GSN: variants seen among roughly 807,000 people sequenced by gnomAD.
The protein encoded by GSN is actin-depolymerizing factor.
A neutral mutation model predicts 85.7 loss-of-function variants in GSN; 56 were observed. The ratio of observed to expected loss-of-function variants is 0.65; its 90% confidence interval spans 0.53 to 0.82. GSN has a LOEUF of 0.82. Ranked by LOEUF, GSN falls within the 40% of genes least tolerant of loss-of-function variation. The pLI is 0.00. For synonymous variants in GSN, 373 were observed against 399.1 expected (o/e 0.93, Z 0.78); for missense variants, 857 against 979.8 (o/e 0.87, Z 1.67).
chr9:121,291,536 A>G (rs963470280), intron 2 of GSN, among the ~76,000 whole-genome samples: 1 of 149,542 alleles, frequency 6.7e-6, no homozygotes, highest in Non-Finnish European at 1.5e-5. Context: ...CTCCTGTCTC[A>G]GCCTCCTGAG....
rs1444330899 is a variant in GSN, at chr9:121,228,442, T to A, written c.-527-2723T>A. Among the ~76,000 whole-genome samples, 8 of 102,532 alleles carry A rather than the reference T, an allele frequency of 7.8e-5. 1 individual carries two copies. Among genetic ancestry groups the A allele is most frequent in the African/African-American group, 3.8e-4 (7 of 18,308 alleles). The allele number at this position is 102,532 out of a possible 152,430, so 67.3% of individuals were successfully genotyped here. A position where few individuals can be genotyped will look rare whatever the true frequency, so the allele number is the denominator to read the frequency against. ...TATATATATTTTTTTTTTTTTTTTT[T>A]TTTTTTTTTGAGATAGGGTCTTGCT... On this transcript the variant is annotated intron_variant, in intron 4 of 24. Coordinates refer to the GSN transcript ENST00000373823.
chr9:121,303,573 CTAGCCAG>C (rs2060119013), intron 4 of GSN, among the ~76,000 whole-genome samples: 3 of 152,324 alleles, frequency 2.0e-5, no homozygotes, highest in African/African-American at 7.2e-5. Flanking sequence ...TCCCAAGCTC[CTAGCCAG>C]GTGGGGCAGA....
At chr9:121,252,908 G>A (rs1051093395) in intron 6 of GSN, among the ~76,000 whole-genome samples, 4 of 152,104 alleles carry the variant, frequency 2.6e-5, no homozygotes, top group African/African-American at 9.7e-5. Flanking sequence ...GTCAGTCTGG[G>A]GGGACTATAG....
chr9:121,230,184 T>G (rs2054359638), intron 4 of GSN, among the ~76,000 whole-genome samples: 2 of 152,224 alleles, frequency 1.3e-5, no homozygotes, highest in Non-Finnish European at 2.9e-5. Context: ...GAACCTTCTT[T>G]GTTTTCTGGT....
intron 2 of GSN, among the ~76,000 whole-genome samples, chr9:121,301,345 G>A (rs2059816216): frequency 6.6e-6 from 1 of 152,230 alleles, no homozygotes; most frequent in Non-Finnish European, 1.5e-5. Flanking sequence ...AAAGAAGGGA[G>A]GCTGGGCGCG....
At chr9:121,286,521 T>C in intron 2 of GSN, 1 of 1,288,284 alleles carries the variant, frequency 7.8e-7, no homozygotes. Context: ...GGAAACTCCA[T>C]TTATCCTCCA....
At chr9:121,312,543 C>T in intron 6 of GSN, 55 bp downstream of exon 6, 1 of 1,399,292 alleles carries the variant, frequency 7.1e-7, no homozygotes. Context: ...TCATGACTTT[C>T]TTCTGTTCAG....
the GSN span, among the ~76,000 whole-genome samples, chr9:121,202,731 A>G: frequency 2.0e-5 from 3 of 152,236 alleles, no homozygotes; most frequent in East Asian, 1.9e-4. Context: ...ATAAATATTT[A>G]ACATATTTTA....
chr9:121,238,727 A>G, intron 5 of GSN: 8 of 397,150 alleles, frequency 2.0e-5, no homozygotes, highest in South Asian at 1.6e-4. Context: ...CAGTATCCAA[A>G]GTCTCATAGA....
intron 1 of GSN, among the ~76,000 whole-genome samples, chr9:121,271,264 G>T (rs2055903446): frequency 6.6e-6 from 1 of 152,078 alleles, no homozygotes; most frequent in Non-Finnish European, 1.5e-5. Context: ...TGAGGTATGA[G>T]AATTGCTTAA....
At position 121,317,159 on chromosome 9, in the gene GSN, A is replaced by G. The variant is rs1315500359; in HGVS notation, c.827A>G (p.Lys276Arg). The change falls in exon 8 of 18, where the codon AAG becomes AGG. Residue 276 changes from lysine (K) to arginine (R), a missense_variant. Transcript: ENST00000432226. ...AACCCCTTCGCCCAGGGGGCCCTGA[A>G]GTCAGAGGACTGCTTCATCCTGGAC... is the stretch of plus-strand genomic sequence containing the variant. ...DENPFAQGAL[K>R]SEDCFILDHG... 2 of 1,614,064 alleles carry G rather than the reference A, an allele frequency of 1.2e-6. No homozygotes were observed. The highest frequency in any genetic ancestry group is 2.7e-5 in the African/African-American group (2 of 74,932).
intron 1 of GSN, among the ~76,000 whole-genome samples, chr9:121,272,503 C>G (rs893486116): frequency 1.1e-4 from 16 of 152,148 alleles, no homozygotes; most frequent in Admixed American, 3.3e-4. Flanking sequence ...TACTTGGGTC[C>G]GGCATGTCTG....
chr9:121,327,385 G>A lies in GSN; in HGVS notation c.1665G>A (p.Val555=), dbSNP rs374022157. The change falls in exon 14 of 18, where the codon GTG becomes GTA. Residue 555 remains valine (V), a synonymous_variant. Transcript: ENST00000432226. ...LKTPSAAYLW[V]GTGASEAEKT... is the part of the protein sequence containing the mutation. ...CCCCCTCAGCCGCCTACCTGTGGGT[G>A]GGTACAGGAGCCAGCGAGGCAGAGA... is the stretch of plus-strand genomic sequence containing the variant. 29 of 1,613,604 alleles carry A rather than the reference G, an allele frequency of 1.8e-5. No individual in the cohort carries two copies. Among genetic ancestry groups the A allele is most frequent in the African/African-American group, 1.3e-5 (1 of 74,912 alleles).
intron 8 of GSN, chr9:121,317,869 G>C (rs2061901278): frequency 5.3e-6 from 1 of 190,202 alleles, no homozygotes. Flanking sequence ...GAGAGAGAGA[G>C]ACACTATTAT....
At chr9:121,207,606 G>A (rs567560082), upstream of GSN, among the ~76,000 whole-genome samples, 110 of 152,290 alleles carry the variant, frequency 7.2e-4, 2 homozygotes, top group African/African-American at 2.4e-3. Flanking sequence ...TCTCCCAACA[G>A]GGGCAGGATT....
intron 5 of GSN, among the ~76,000 whole-genome samples, chr9:121,232,573 C>T (rs796169680): frequency 8.5e-5 from 13 of 152,238 alleles, no homozygotes; most frequent in African/African-American, 1.7e-4. Flanking sequence ...GATTAGAACA[C>T]GTAACATGAG....
chr9:121,247,990 T>C (rs2054737409), intron 5 of GSN, among the ~76,000 whole-genome samples: 1 of 151,932 alleles, frequency 6.6e-6, no homozygotes, highest in Non-Finnish European at 1.5e-5. Context: ...TGCTATGCTA[T>C]GTATTTGCAT....
chr9:121,235,997 A>G (rs2054485240), intron 5 of GSN, among the ~76,000 whole-genome samples: 1 of 152,164 alleles, frequency 6.6e-6, no homozygotes, highest in African/African-American at 2.4e-5. Flanking sequence ...GTGGCTTAAA[A>G]CAACAGAAAT....
intron 1 of GSN, chr9:121,279,781 C>T (rs1370921782): frequency 2.6e-5 from 4 of 152,062 alleles, no homozygotes; most frequent in Non-Finnish European, 2.9e-5. Flanking sequence ...ATTCGAAAGG[C>T]TCATCCTCAC....
Sources: gnomAD v4.1 joint callset for allele counts (sites outside exome capture counted in the v4.1 genomes callset) on GRCh38, gnomAD v4.1.1 for gene constraint, MANE v1.5 for transcripts, NCBI Gene and HGNC (gene_info 2026-07-23, HGNC 2026-07-21) for gene names.